TRIM58: variants seen among roughly 807,000 people sequenced by gnomAD.
TRIM58 encodes the protein tripartite motif containing 58, also known as E3 ubiquitin-protein ligase TRIM58.
A neutral mutation model predicts 34.1 loss-of-function variants in TRIM58; 38 were observed. That is an observed-to-expected ratio of 1.12 (90% CI 0.86 to 1.46). The LOEUF (loss-of-function observed/expected upper bound fraction) is 1.46. Among genes scored for constraint, TRIM58 ranks in the 40% most tolerant of loss-of-function variants. The probability of loss-of-function intolerance (pLI) is 0.00; values close to 1 mark genes in which losing one functional copy is unlikely to be tolerated. For synonymous variants in TRIM58, 273 were observed against 275.7 expected (o/e 0.99, Z 0.10); for missense variants, 677 against 642.0 (o/e 1.05, Z -0.59).
In TRIM58 at chr1:247,857,204, A is replaced by T. The variant is rs1416619333; in HGVS notation, c.-43A>T. On this transcript the variant is annotated 5_prime_UTR_variant, in exon 1 of 6. Coordinates refer to ENST00000366481, the MANE Select transcript of TRIM58 (RefSeq NM_015431.4). Reference sequence around the variant, plus strand: ...CCCCCTGTGCAGACCGCGAGGGGAGACGGTGCGGGCGGCCGGGAGCGCAGC... The same window carrying T: ...CCCCCTGTGCAGACCGCGAGGGGAGTCGGTGCGGGCGGCCGGGAGCGCAGC... The T allele has an allele frequency of 1.5e-6, 2 of 1,302,690 alleles. No homozygotes were observed. The highest frequency in any genetic ancestry group is 3.1e-5 in the African/African-American group (2 of 64,590). The allele number at this position is 1,302,690 out of a possible 1,614,324, so 80.7% of individuals were successfully genotyped here.
intron 2 of TRIM58, among the ~76,000 whole-genome samples, chr1:247,863,600 A>C (rs1243851853): frequency 1.3e-5 from 2 of 152,136 alleles, no homozygotes; most frequent in Non-Finnish European, 2.9e-5. Context: ...ATAACAATGT[A>C]ACAAAACTGC....
chr1:247,864,549 A>G (rs1663872325), intron 2 of TRIM58, among the ~76,000 whole-genome samples, 156 bp from the exon 3 acceptor site: 1 of 152,160 alleles, frequency 6.6e-6, no homozygotes, highest in Non-Finnish European at 1.5e-5. Flanking sequence ...TTCTTATATG[A>G]ATGGACTCCA....
intron 5 of TRIM58, among the ~76,000 whole-genome samples, chr1:247,874,312 G>A (rs1659225401): frequency 6.6e-6 from 1 of 152,154 alleles, no homozygotes; most frequent in African/African-American, 2.4e-5. Context: ...GCAGTGAAGT[G>A]GGGAGGCCCC....
intron 4 of TRIM58, 48 bp downstream of exon 4, chr1:247,867,915 G>A (rs200777910): frequency 7.9e-5 from 127 of 1,613,930 alleles, no homozygotes; most frequent in Admixed American, 7.2e-4. Context: ...AGGCAGAGGA[G>A]CTGGTGGAGA....
At chr1:247,873,696 G>C (rs578072131) in intron 5 of TRIM58, among the ~76,000 whole-genome samples, 1 of 152,292 alleles carries the variant, frequency 6.6e-6, no homozygotes, top group Non-Finnish European at 1.5e-5. Flanking sequence ...GACCGGGCGT[G>C]GCAGCTCACG....
intron 1 of TRIM58, among the ~76,000 whole-genome samples, chr1:247,859,897 T>C (rs917305034): frequency 6.6e-6 from 1 of 152,126 alleles, no homozygotes; most frequent in African/African-American, 2.4e-5. Context: ...TTATCTAATA[T>C]CATTCTCATT....
At chr1:247,862,442 A>G (rs1321261395) in intron 2 of TRIM58, among the ~76,000 whole-genome samples, 3 of 152,214 alleles carry the variant, frequency 2.0e-5, no homozygotes, top group Non-Finnish European at 4.4e-5. Context: ...GGTAGTGGCA[A>G]TGGAGATAAA....
intron 3 of TRIM58, among the ~76,000 whole-genome samples, chr1:247,866,635 C>G (rs529380327): frequency 6.6e-6 from 1 of 152,270 alleles, no homozygotes; most frequent in African/African-American, 2.4e-5. Context: ...CAGGATCTCA[C>G]TCTGTCACTC....
rs750103045 is a variant in TRIM58, at chr1:247,857,354, C to G, written c.108C>G (p.Cys36Trp). Residue 36 changes from cysteine (C) to tryptophan (W), a missense_variant, in exon 1 of 6, where the codon TGC (cysteine) becomes TGG (tryptophan). Cys to Trp is a radical substitution (Grantham distance 215). Coordinates refer to ENST00000366481, the MANE Select transcript of TRIM58 (RefSeq NM_015431.4). ...GCGTGGACTGCGGCCACAGCTTCTGCCTCAGGTGCATCTCCGAGTTCTGCG... is the reference window on the plus strand; with the variant it reads ...GCGTGGACTGCGGCCACAGCTTCTGGCTCAGGTGCATCTCCGAGTTCTGCG... Reference protein sequence around the residue: ...PVSVDCGHSFCLRCISEFCEK... With the variant: ...PVSVDCGHSFWLRCISEFCEK... 1 of 1,519,796 alleles carries G rather than the reference C, an allele frequency of 6.6e-7. No individual in the cohort carries two copies. Among genetic ancestry groups the G allele is most frequent in the South Asian group, 1.3e-5 (1 of 79,202 alleles). The allele number at this position is 1,519,796 out of a possible 1,614,324, so 94.1% of individuals were successfully genotyped here.
At position 247,859,942 on chromosome 1, in the gene TRIM58, C is replaced by T. The variant is rs1044559331; in HGVS notation, c.421-675C>T. ...CCAGTTTTAATATATTCATTACCAGCACATTTTTTTTCAAAATTCATGTTG... is the reference window on the plus strand; with the variant it reads ...CCAGTTTTAATATATTCATTACCAGTACATTTTTTTTCAAAATTCATGTTG... On this transcript the variant is annotated intron_variant, in intron 1 of 5. Coordinates refer to ENST00000366481, the MANE Select transcript of TRIM58 (RefSeq NM_015431.4). Among the ~76,000 whole-genome samples the T allele has an allele frequency of 1.4e-4, 22 of 152,114 alleles. No individual in the cohort carries two copies. The East Asian group carries it at 4.2e-3, about 29-fold the overall frequency.
chr1:247,864,674 A>T, intron 2 of TRIM58, 31 bp from the exon 3 acceptor site: 1 of 1,609,712 alleles, frequency 6.2e-7, no homozygotes, highest in Non-Finnish European at 8.5e-7. Context: ...GAGGCCAAGC[A>T]CTGACGATGT....
At chr1:247,867,509 C>A (rs575294052) in intron 3 of TRIM58, among the ~76,000 whole-genome samples, 1 of 152,116 alleles carries the variant, frequency 6.6e-6, no homozygotes, top group South Asian at 2.1e-4. Flanking sequence ...GCCTGGCCAA[C>A]ATGGTGAAAC....
rs1663646684 is a variant in TRIM58 at position 247,857,201 on chromosome 1, G to T, written c.-46G>T. 9 of 1,304,680 alleles carry T rather than the reference G, an allele frequency of 6.9e-6. No individual in the cohort carries two copies. Among genetic ancestry groups the T allele is most frequent in the Middle Eastern group, 2.9e-4 (1 of 3,420 alleles). The allele number at this position is 1,304,680 out of a possible 1,614,324, so 80.8% of individuals were successfully genotyped here. On this transcript the variant is annotated 5_prime_UTR_variant, in exon 1 of 6. Transcript: ENST00000366481. ...CCTCCCCCTGTGCAGACCGCGAGGG[G>T]AGACGGTGCGGGCGGCCGGGAGCGC... is the stretch of plus-strand genomic sequence containing the variant.
At chr1:247,861,191 C>G (rs908280201) in intron 2 of TRIM58, among the ~76,000 whole-genome samples, 9 of 152,064 alleles carry the variant, frequency 5.9e-5, no homozygotes, top group Non-Finnish European at 1.3e-4. Context: ...CTCACTAGCT[C>G]TTTTTATTCC....
chr1:247,868,098 C>T lies in TRIM58; in HGVS notation c.871+35C>T, dbSNP rs371352955. 21 of 1,549,196 alleles carry T rather than the reference C, an allele frequency of 1.4e-5. No individual in the cohort carries two copies. In the East Asian group the frequency reaches 1.4e-4, roughly 10 times the overall value. ...TCTTAGAGACTGGGAATTAGGCTGC[C>T]TGGGGTTTGAAGAAGTTCCAAGGTA... On this transcript the variant is annotated intron_variant, in intron 5 of 5. Transcript: ENST00000366481.
chr1:247,866,735 T>C (rs1398678971), intron 3 of TRIM58, among the ~76,000 whole-genome samples: 1 of 152,158 alleles, frequency 6.6e-6, no homozygotes, highest in Non-Finnish European at 1.5e-5. Flanking sequence ...CCCGAGTAGC[T>C]GGGACTAAAG....
intron 5 of TRIM58, among the ~76,000 whole-genome samples, chr1:247,873,401 A>T (rs954409441): frequency 6.6e-6 from 1 of 152,094 alleles, no homozygotes; most frequent in African/African-American, 2.4e-5. Flanking sequence ...CATTTCACAG[A>T]TCTCTTTTGT....
intron 5 of TRIM58, among the ~76,000 whole-genome samples, chr1:247,871,532 G>A (rs1305418035): frequency 6.6e-6 from 1 of 152,086 alleles, no homozygotes; most frequent in African/African-American, 2.4e-5. Context: ...CTACTTAGAG[G>A]GAAAGAGTGT....
rs1326045194 is a variant in TRIM58, at chr1:247,876,767, A to G, written c.*278A>G. ...TCAAATTAATGACCTTGGATTACAT[A>G]AGGATTTCTATGCATTCATTATAAT... is the stretch of plus-strand genomic sequence containing the variant. On this transcript the variant is annotated 3_prime_UTR_variant, in exon 6 of 6. Coordinates refer to ENST00000366481, the MANE Select transcript of TRIM58 (RefSeq NM_015431.4). 2 of 426,142 alleles carry G rather than the reference A, an allele frequency of 4.7e-6. No individual in the cohort carries two copies. Among genetic ancestry groups the G allele is most frequent in the Admixed American group, 8.2e-5 (2 of 24,274 alleles). 26.4% of individuals were successfully genotyped at this position (426,142 alleles called of 1,614,324 possible). A position where few individuals can be genotyped will look rare whatever the true frequency, so the allele number is the denominator to read the frequency against.
Sources: gnomAD v4.1 joint callset for allele counts (sites outside exome capture counted in the v4.1 genomes callset) on GRCh38, gnomAD v4.1.1 for gene constraint, MANE v1.5 for transcripts, NCBI Gene and HGNC (gene_info 2026-07-23, HGNC 2026-07-21) for gene names.